DIAPH2: variants seen among roughly 807,000 people sequenced by gnomAD.
DIAPH2 encodes diaphanous related formin 2, also known as protein diaphanous homolog 2.
In DIAPH2, 35 loss-of-function variants were observed where a neutral mutation model predicts 92.7. The observed-to-expected ratio is 0.38, with a 90% CI of 0.29 to 0.50. DIAPH2 has a LOEUF of 0.50. DIAPH2 is among the 20% of genes least tolerant of loss of function. The pLI is 0.94. For missense variants in DIAPH2, 701 were observed against 819.5 expected (o/e 0.86, Z 1.77); for synonymous variants, 301 against 280.4 (o/e 1.07, Z -0.73).
At chrX:96,720,646 T>C (rs1434275472) in intron 1 of DIAPH2, among the ~76,000 whole-genome samples, 1 of 111,691 alleles carries the variant, frequency 9.0e-6, no homozygotes, top group African/African-American at 3.3e-5. Flanking sequence ...AGAAGAAAAT[T>C]CAAGTCACTG....
intron 10 of DIAPH2, among the ~76,000 whole-genome samples, chrX:96,932,677 G>A (rs1185445715): frequency 9.0e-6 from 1 of 110,650 alleles, no homozygotes; most frequent in Non-Finnish European, 1.9e-5. Context: ...GTATATATTT[G>A]TGTGGTAAAA....
Position 96,738,660 on chromosome X carries a change from T to C in DIAPH2, c.240T>C (p.Ser80=). 2.5e-6 allele frequency: 3 copies of C among 1,208,076 alleles called. No individual in the cohort carries two copies. Among genetic ancestry groups the C allele is most frequent in the Non-Finnish European group, 3.4e-6 (3 of 892,913 alleles). ...CTCTTATTCAACATCCTATTGATTC[T>C]CAAGTCGCGATGAGTGAGTTTCCTG... ...EKPLIQHPID[S]QVAMSEFPAA... The change falls in exon 3 of 27, where the codon TCT becomes TCC. Residue 80 remains serine, a synonymous_variant. Transcript: ENST00000324765.
Position 97,348,134 on chromosome X carries a change from C to T in DIAPH2, c.2863C>T (p.Arg955Ter). The T allele has an allele frequency of 8.3e-7, 1 of 1,210,602 alleles. No individual in the cohort carries two copies. Among genetic ancestry groups the T allele is most frequent in the Non-Finnish European group, 1.1e-6 (1 of 895,031 alleles). ...AAGCTACAGCTTTACAAAGACTGCC[C>T]GAGAACAGTATGAAAAACTCTCCAC... ...EKMTSFTKTA[R>*]EQYEKLSTMH... is the part of the protein sequence containing the mutation. The change falls in exon 24 of 27, where the codon CGA becomes TGA. Residue 955 changes from arginine (R) to a stop codon, truncating the protein, a stop_gained. Coordinates refer to ENST00000324765, the MANE Select transcript of DIAPH2 (RefSeq NM_006729.5). LOFTEE classifies it high-confidence loss of function.
At chrX:96,897,168 A>T (rs1052912888) in intron 5 of DIAPH2, among the ~76,000 whole-genome samples, 1 of 111,541 alleles carries the variant, frequency 9.0e-6, no homozygotes, top group African/African-American at 3.3e-5. Flanking sequence ...AGAAATTTTT[A>T]AAAGATTATT....
intron 23 of DIAPH2, among the ~76,000 whole-genome samples, chrX:97,320,742 C>CTCAAG (rs2068886987): frequency 9.5e-6 from 1 of 105,143 alleles, no homozygotes; most frequent in Admixed American, 1.0e-4. Context: ...AAAAAAATCT[C>CTCAAG]TCAAGTTGAG....
intron 3 of DIAPH2, among the ~76,000 whole-genome samples, chrX:96,752,251 T>C (rs2147589771): frequency 8.9e-6 from 1 of 111,843 alleles, no homozygotes; most frequent in East Asian, 2.8e-4. Context: ...TTATGGTCTT[T>C]TCACATGAAT....
intron 17 of DIAPH2, among the ~76,000 whole-genome samples, chrX:97,041,025 T>C (rs1051534420): frequency 9.0e-6 from 1 of 111,430 alleles, no homozygotes; most frequent in Non-Finnish European, 1.9e-5. Flanking sequence ...TATACAGTTT[T>C]ATGGGTTTTA....
intron 26 of DIAPH2, among the ~76,000 whole-genome samples, chrX:97,553,825 A>T (rs994541942): frequency 3.6e-5 from 4 of 110,577 alleles, no homozygotes; most frequent in African/African-American, 9.9e-5. Flanking sequence ...TTGTATCTTG[A>T]CTCTTCCTAC....
chrX:97,491,743 C>T (rs1344196594), intron 26 of DIAPH2, among the ~76,000 whole-genome samples: 1 of 111,889 alleles, frequency 8.9e-6, no homozygotes, highest in Non-Finnish European at 1.9e-5. Context: ...CTTACTATTG[C>T]CCTTTTGTTG....
chrX:97,372,613 C>A (rs1299222906), intron 24 of DIAPH2, among the ~76,000 whole-genome samples: 1 of 111,753 alleles, frequency 8.9e-6, no homozygotes, highest in Admixed American at 9.6e-5. Context: ...AACTCAAGGA[C>A]TTTTTGTATA....
chrX:97,172,361 A>G (rs1302694402), intron 22 of DIAPH2, among the ~76,000 whole-genome samples: 1 of 111,543 alleles, frequency 9.0e-6, no homozygotes, highest in East Asian at 2.8e-4. Flanking sequence ...TGTGATTTCC[A>G]GCAAAAAGGT....
chrX:97,528,054 A>G (rs867987828), intron 26 of DIAPH2, among the ~76,000 whole-genome samples: 3 of 112,012 alleles, frequency 2.7e-5, no homozygotes, highest in Middle Eastern at 4.6e-3. Context: ...ATGAGGATTA[A>G]AAAAACAACT....
intron 22 of DIAPH2, among the ~76,000 whole-genome samples, chrX:97,233,840 C>T (rs962170635): frequency 9.0e-6 from 1 of 111,616 alleles, no homozygotes; most frequent in Non-Finnish European, 1.9e-5. Flanking sequence ...TCATAGCTGT[C>T]TGTGGCATTG....
At chrX:97,168,090 T>C (rs1193565966) in intron 22 of DIAPH2, among the ~76,000 whole-genome samples, 1 of 78,994 alleles carries the variant, frequency 1.3e-5, no homozygotes, top group East Asian at 3.1e-4. Context: ...TTAGACAGTC[T>C]TTTTTTTTTT....
intron 26 of DIAPH2, among the ~76,000 whole-genome samples, chrX:97,471,133 G>A (rs2070558701): frequency 9.0e-6 from 1 of 111,688 alleles, no homozygotes; most frequent in Non-Finnish European, 1.9e-5. Context: ...ATGGCTGAGA[G>A]AACATTAAAA....
At chrX:97,223,740 C>A (rs73548637) in intron 22 of DIAPH2, among the ~76,000 whole-genome samples, 1,272 of 111,449 alleles carry the variant, frequency 0.011, 19 homozygotes, top group African/African-American at 0.039. Context: ...TTAGTTTAAA[C>A]AACTTTAAAC....
At chrX:97,248,464 T>C (rs900522978) in intron 23 of DIAPH2, among the ~76,000 whole-genome samples, 1 of 111,958 alleles carries the variant, frequency 8.9e-6, no homozygotes, top group Non-Finnish European at 1.9e-5. Context: ...CATAAAAATA[T>C]ATAAAAGGAA....
At chrX:97,001,277 A>G (rs1012358907) in intron 17 of DIAPH2, among the ~76,000 whole-genome samples, 1 of 111,901 alleles carries the variant, frequency 8.9e-6, no homozygotes, top group Non-Finnish European at 1.9e-5. Context: ...GGGTATGCAA[A>G]TTTATTTTCA....
intron 22 of DIAPH2, among the ~76,000 whole-genome samples, chrX:97,158,346 TTGTC>T (rs1217456391): frequency 2.0e-5 from 2 of 97,998 alleles, no homozygotes; most frequent in African/African-American, 8.8e-5. Flanking sequence ...TTCTATTGTC[TTGTC>T]CAGATTCTTG....
Sources: gnomAD v4.1 joint callset for allele counts (sites outside exome capture counted in the v4.1 genomes callset) on GRCh38, gnomAD v4.1.1 for gene constraint, MANE v1.5 for transcripts, NCBI Gene and HGNC (gene_info 2026-07-23, HGNC 2026-07-21) for gene names.